The following RNPEPL1 variants were observed in gnomAD, a reference collection of about 807,000 sequenced individuals.
The protein encoded by RNPEPL1 is arginyl aminopeptidase like 1, also known as aminopeptidase RNPEPL1.
Under a neutral mutation model 69.0 loss-of-function variants are expected in RNPEPL1, and 46 were observed. That is an observed-to-expected ratio of 0.67 (90% CI 0.53 to 0.85). RNPEPL1 has a LOEUF of 0.85. Among genes scored for constraint, RNPEPL1 ranks in the 40% least tolerant of loss-of-function variants. The pLI is 0.00. For missense variants in RNPEPL1, 869 were observed against 992.5 expected (o/e 0.88, Z 1.67); for synonymous variants, 525 against 454.1 (o/e 1.16, Z -1.98).
At chr2:240,573,299 G>A (rs1289843687) in intron 3 of RNPEPL1, 38 bp downstream of exon 3, 2 of 1,529,850 alleles carry the variant, frequency 1.3e-6, no homozygotes, top group Non-Finnish European at 1.8e-6. Flanking sequence ...GGCTGCGCAG[G>A]CCTCGGGGAG....
intron 8 of RNPEPL1, chr2:240,575,886 C>T: frequency 2.0e-6 from 1 of 497,290 alleles, no homozygotes; most frequent in South Asian, 2.3e-5. Flanking sequence ...TGCAAAGGGC[C>T]TGGTGCAGGA....
chr2:240,571,025 G>GC (rs1257999215), intron 1 of RNPEPL1, among the ~76,000 whole-genome samples: 1 of 152,150 alleles, frequency 6.6e-6, no homozygotes, highest in South Asian at 2.1e-4. Flanking sequence ...TTGTGAGGGG[G>GC]CCGTGCAGGC....
chr2:240,575,775 A>G (rs1001758353), intron 8 of RNPEPL1, 165 bp downstream of exon 8: 5 of 635,330 alleles, frequency 7.9e-6, no homozygotes, highest in East Asian at 5.5e-5. Context: ...CTGGTATGCT[A>G]TGAGAACAGG....
Position 240,574,570 on chromosome 2 carries a change from G to A in RNPEPL1, c.1230G>A (p.Gln410=), listed in dbSNP as rs2093032332. 1 of 1,613,004 alleles carries A rather than the reference G, an allele frequency of 6.2e-7. No homozygotes were observed. The highest frequency in any genetic ancestry group is 8.5e-7 in the Non-Finnish European group (1 of 1,179,948). Residue 410 remains glutamine, a synonymous_variant, in exon 6 of 11, where the codon CAG becomes CAA. Transcript: ENST00000270357. ...TAFRLDALHR[Q]MKLLGEDSPV... is the part of the protein sequence containing the mutation. ...TCCGCCTGGACGCCCTGCACCGGCA[G>A]ATGAAGCTTCTGGGAGAGGACAGCC...
intron 5 of RNPEPL1, 71 bp from the exon 6 acceptor site, chr2:240,574,444 C>T: frequency 6.6e-7 from 1 of 1,525,066 alleles, no homozygotes; most frequent in Non-Finnish European, 9.0e-7. Context: ...GCTGCAGGTG[C>T]CCACACCTCC....
chr2:240,571,561 G>C (rs954478736), intron 1 of RNPEPL1, among the ~76,000 whole-genome samples: 1 of 152,076 alleles, frequency 6.6e-6, no homozygotes, highest in African/African-American at 2.4e-5. Flanking sequence ...TTCCTGGAAG[G>C]AAGATGAGAC....
intron 5 of RNPEPL1, 24 bp downstream of exon 5, chr2:240,574,372 A>G (rs775465325): frequency 4.4e-6 from 7 of 1,582,936 alleles, no homozygotes; most frequent in Non-Finnish European, 5.1e-6. Flanking sequence ...CGGGGAGGGC[A>G]GCCACGGGGG....
intron 4 of RNPEPL1, 75 bp from the exon 5 acceptor site, chr2:240,574,038 G>T (rs948916980): frequency 7.6e-6 from 11 of 1,451,700 alleles, no homozygotes; most frequent in African/African-American, 1.4e-5. Context: ...CTGCTGGGTG[G>T]AAGGTGGGGT....
In RNPEPL1 at chr2:240,568,907, C is replaced by A; in HGVS notation, c.321C>A (p.Ser107=). The A allele has an allele frequency of 7.8e-7, 1 of 1,277,102 alleles. No individual in the cohort carries two copies. The highest frequency in any genetic ancestry group is 1.6e-5 in the African/African-American group (1 of 63,464). 79.1% of individuals were successfully genotyped at this position (1,277,102 alleles called of 1,614,324 possible). ...AGACGCCCTGCGCCTTCGCCTTCTC[C>A]GCCCCCGGGCCGGGGCCCGCGCCGC... ...AAETPCAFAF[S]APGPGPAPPP... is the part of the protein sequence containing the mutation. Residue 107 remains serine (S), a synonymous_variant, in exon 1 of 11, where the codon TCC becomes TCA. Transcript: ENST00000270357. The surrounding 1 kb of genome is among the most constrained non-coding windows in gnomAD (Gnocchi z 6.2).
intron 10 of RNPEPL1, 106 bp downstream of exon 10, chr2:240,577,096 C>G: frequency 7.0e-7 from 1 of 1,431,764 alleles, no homozygotes; most frequent in Non-Finnish European, 9.6e-7. Flanking sequence ...CAGGCACATT[C>G]TGGAGAATGG....
rs1299547190 is a variant in RNPEPL1, at chr2:240,574,061, G to A, written c.939-52G>A. 1.4e-5 allele frequency: 21 copies of A among 1,534,828 alleles called. No individual in the cohort carries two copies. The East Asian group carries it at 2.3e-4, about 17-fold the overall frequency. On this transcript the variant is annotated intron_variant, in intron 4 of 10. Transcript: ENST00000270357. ...TGGAAGGTGGGGTGCGGGTGTGCAG[G>A]GTGGGAGTCTGAGCCCCGAGGTCTG...
chr2:240,575,470 A>G lies in RNPEPL1; in HGVS notation c.1402-32A>G, dbSNP rs1463926030. ...GGGGCTGCCTGTGCCCCACCCTTCC[A>G]GGCCTGCTGAGGCCCCACCTCTGCC... On this transcript the variant is annotated intron_variant, in intron 7 of 10. Transcript: ENST00000270357. The G allele has an allele frequency of 3.2e-6, 5 of 1,584,502 alleles. No homozygotes were observed. In the Admixed American group the frequency reaches 5.0e-5, roughly 16 times the overall value.
At chr2:240,572,732 G>A (rs1280754193) in intron 2 of RNPEPL1, among the ~76,000 whole-genome samples, 169 bp downstream of exon 2, 1 of 152,232 alleles carries the variant, frequency 6.6e-6, no homozygotes, top group East Asian at 1.9e-4. Flanking sequence ...CGCTTTGCAG[G>A]GAACGGGGGA....
At chr2:240,577,075 T>C in intron 10 of RNPEPL1, 85 bp downstream of exon 10, 1 of 1,548,172 alleles carries the variant, frequency 6.5e-7, no homozygotes, top group Non-Finnish European at 8.8e-7. Context: ...GTCTGAGCCC[T>C]TGGGGCAGGC....
At position 240,576,891 on chromosome 2, in the gene RNPEPL1, C is replaced by T; in HGVS notation, c.1785C>T (p.Asp595=). 1 of 1,613,424 alleles carries T rather than the reference C, an allele frequency of 6.2e-7. No individual in the cohort carries two copies. Among genetic ancestry groups the T allele is most frequent in the Non-Finnish European group, 8.5e-7 (1 of 1,179,988 alleles). ...SLSKCYSSLL[D]SMNAEIRIRW... ...CCAAGTGCTACTCCTCCCTGCTGGA[C>T]TCGATGAACGCTGAGATCCGCATCC... is the stretch of plus-strand genomic sequence containing the variant. Residue 595 remains aspartate, a synonymous_variant, in exon 10 of 11, where the codon GAC becomes GAT. Coordinates refer to ENST00000270357, the MANE Select transcript of RNPEPL1 (RefSeq NM_018226.6).
Position 240,568,881 on chromosome 2 carries a change from G to T in RNPEPL1, c.295G>T (p.Glu99Ter), listed in dbSNP as rs1185796410. 8.0e-7 allele frequency: 1 copy of T among 1,243,992 alleles called. No homozygotes were observed. Among genetic ancestry groups the T allele is most frequent in the Admixed American group, 3.7e-5 (1 of 27,122 alleles). 77.1% of individuals were successfully genotyped at this position (1,243,992 alleles called of 1,614,324 possible). A position where few individuals can be genotyped will look rare whatever the true frequency, so the allele number is the denominator to read the frequency against. The part of the protein sequence containing the change: ...AFRRAPAAAA[E>*]TPCAFAFSAP... The stretch of plus-strand genomic sequence containing the variant: ...CCGTCGCGCCCCCGCCGCCGCCGCC[G>T]AGACGCCCTGCGCCTTCGCCTTCTC... Residue 99 changes from glutamate to a stop codon, truncating the protein, a stop_gained, in exon 1 of 11, where the codon GAG becomes TAG. Coordinates refer to ENST00000270357, the MANE Select transcript of RNPEPL1 (RefSeq NM_018226.6). LOFTEE classifies it high-confidence loss of function. The surrounding 1 kb of genome is among the most constrained non-coding windows in gnomAD (Gnocchi z 6.2).
Position 240,571,432 on chromosome 2 carries a change from C to T in RNPEPL1, c.529-991C>T, listed in dbSNP as rs3762624. Among the ~76,000 whole-genome samples, 1,118 of 152,204 alleles carry T rather than the reference C, an allele frequency of 7.3e-3. 31 individuals are homozygous for T. The highest frequency in any genetic ancestry group is 0.034 in the Admixed American group (525 of 15,292). Reference sequence around the variant, plus strand: ...TCAGTTTGCCTTGACTATCTCATTCCGGCAGAGGGGAGGGTGGATACGACG... The same window carrying T: ...TCAGTTTGCCTTGACTATCTCATTCTGGCAGAGGGGAGGGTGGATACGACG... On this transcript the variant is annotated intron_variant, in intron 1 of 10. Coordinates refer to ENST00000270357, the MANE Select transcript of RNPEPL1 (RefSeq NM_018226.6).
At chr2:240,575,169 C>A (rs771471516) in intron 7 of RNPEPL1, 27 bp downstream of exon 7, 1 of 1,576,584 alleles carries the variant, frequency 6.3e-7, no homozygotes, top group Non-Finnish European at 8.7e-7. Context: ...CCGGGACGGC[C>A]CTGCTGCCAT....
At chr2:240,569,247 C>A in intron 1 of RNPEPL1, 133 bp downstream of exon 1, 1 of 1,030,958 alleles carries the variant, frequency 9.7e-7, no homozygotes, top group Non-Finnish European at 1.3e-6. Flanking sequence ...CCCGGTGATT[C>A]CCAGCTGTTG....
Sources: allele counts gnomAD v4.1 joint callset (sites outside exome capture counted in the v4.1 genomes callset), GRCh38; gene constraint gnomAD v4.1.1; non-coding constraint Gnocchi (gnomAD v3.1); transcripts MANE v1.5; gene names NCBI Gene and HGNC (gene_info 2026-07-23, HGNC 2026-07-21).